Variants in GRM8 observed in about 807,000 individuals in gnomAD.
The protein encoded by GRM8 is metabotropic glutamate receptor 8.
In GRM8, 47 loss-of-function variants were observed where a neutral mutation model predicts 87.2. The observed-to-expected ratio is 0.54, with a 90% CI of 0.43 to 0.69. The LOEUF is 0.69. Among genes scored for constraint, GRM8 ranks in the 30% least tolerant of loss-of-function variants. The probability of loss-of-function intolerance (pLI) is 0.00; values close to 1 mark genes in which losing one functional copy is unlikely to be tolerated. For missense variants in GRM8, 1,019 were observed against 1,139.2 expected, an observed-to-expected ratio of 0.89 and a Z score of 1.52; for synonymous variants, 396 against 404.5, an observed-to-expected ratio of 0.98 and a Z score of 0.25.
chr7:127,029,797 G>C (rs1460467370), intron 3 of GRM8, among the ~76,000 whole-genome samples: 2 of 151,896 alleles, frequency 1.3e-5, no homozygotes, highest in South Asian at 4.2e-4. Flanking sequence ...CAATTTGCCA[G>C]GCTGAGAGAT....
chr7:126,973,788 G>C (rs1810676854), intron 3 of GRM8, among the ~76,000 whole-genome samples: 1 of 152,174 alleles, frequency 6.6e-6, no homozygotes, highest in South Asian at 2.1e-4. Context: ...ATTATTCTCA[G>C]TGAAATAAAT....
At chr7:126,530,442 T>C (rs1010799559) in intron 9 of GRM8, among the ~76,000 whole-genome samples, 1 of 152,232 alleles carries the variant, frequency 6.6e-6, no homozygotes, top group African/African-American at 2.4e-5. Flanking sequence ...GCCTGGCACC[T>C]TGCTGGTGCC....
At chr7:127,181,124 C>G (rs1002757650) in intron 2 of GRM8, among the ~76,000 whole-genome samples, 1 of 152,056 alleles carries the variant, frequency 6.6e-6, no homozygotes, top group Admixed American at 6.6e-5. Context: ...TCTCCTAGAA[C>G]TGATAAAAGA....
At chr7:127,096,621 T>C (rs1824683330) in intron 3 of GRM8, among the ~76,000 whole-genome samples, 1 of 151,992 alleles carries the variant, frequency 6.6e-6, no homozygotes, top group African/African-American at 2.4e-5. Context: ...CACATTGTTA[T>C]GTATGATCTC....
chr7:127,207,554 A>G (rs2116606289), intron 2 of GRM8, among the ~76,000 whole-genome samples: 1 of 152,254 alleles, frequency 6.6e-6, no homozygotes, highest in East Asian at 1.9e-4. Flanking sequence ...TCCCCATCAT[A>G]ATCCTGCTAG....
intron 7 of GRM8, among the ~76,000 whole-genome samples, chr7:126,619,062 G>T (rs1024023367): frequency 6.6e-6 from 1 of 152,134 alleles, no homozygotes; most frequent in African/African-American, 2.4e-5. Flanking sequence ...CTGCTATAAA[G>T]GCACTTGCAC....
At chr7:126,767,946 T>A (rs1362001) in intron 7 of GRM8, among the ~76,000 whole-genome samples, 122,339 of 151,914 alleles carry the variant, frequency 0.81, 49,609 homozygotes, top group Non-Finnish European at 0.83. Context: ...AGCTATATGT[T>A]GCCTTATATC....
chr7:126,694,315 T>G (rs1563098440), intron 7 of GRM8, among the ~76,000 whole-genome samples: 1 of 152,104 alleles, frequency 6.6e-6, no homozygotes, highest in African/African-American at 2.4e-5. Flanking sequence ...TGAAATTAGC[T>G]AACAAAATTT....
chr7:126,621,918 C>T (rs1800219979), intron 7 of GRM8, among the ~76,000 whole-genome samples: 1 of 152,060 alleles, frequency 6.6e-6, no homozygotes, highest in South Asian at 2.1e-4. Flanking sequence ...TGTCACACTG[C>T]TTCGCTCCCA....
At chr7:127,075,780 C>A (rs1012760511) in intron 3 of GRM8, among the ~76,000 whole-genome samples, 16 of 152,116 alleles carry the variant, frequency 1.1e-4, no homozygotes, top group Non-Finnish European at 7.4e-5. Flanking sequence ...CACTAACCAC[C>A]TGGTTGGGCT....
At chr7:126,753,182 A>G (rs1036339767) in intron 7 of GRM8, among the ~76,000 whole-genome samples, 2 of 151,964 alleles carry the variant, frequency 1.3e-5, no homozygotes, top group Admixed American at 1.3e-4. Context: ...ACTATCTGTG[A>G]GTCTTAAATA....
rs151136450 is a variant in GRM8, at chr7:126,700,976, C to T, written c.1357+68889G>A. Among the ~76,000 whole-genome samples the T allele has an allele frequency of 7.2e-5, 11 of 152,116 alleles. No homozygotes were observed. The East Asian group carries it at 1.9e-3, about 27-fold the overall frequency. On this transcript the variant is annotated intron_variant, in intron 7 of 10. Coordinates refer to ENST00000339582, the MANE Select transcript of GRM8 (RefSeq NM_000845.3). ...TGCCTCATTACTTGATCCCTCCTTC[C>T]TTCCCTCCCTCTCCCCTTCTCTTCC...
chr7:126,829,232 G>C (rs1409512736), intron 6 of GRM8, among the ~76,000 whole-genome samples: 1 of 146,972 alleles, frequency 6.8e-6, no homozygotes, highest in Admixed American at 6.8e-5. Flanking sequence ...TTGGTGCAGA[G>C]CTGAGTTCAA....
At position 126,463,340 on chromosome 7, in the gene GRM8, G is replaced by A. The variant is rs138003077; in HGVS notation, c.2431-16968C>T. On this transcript the variant is annotated intron_variant, in intron 9 of 10. Coordinates refer to ENST00000339582, the MANE Select transcript of GRM8 (RefSeq NM_000845.3). ...TTATTTTCCTACAAGTGGTGGATAC[G>A]TATCGTATAACTGGTTAGTCAGCCC... Among the ~76,000 whole-genome samples the A allele has an allele frequency of 4.3e-3, 652 of 151,600 alleles. 5 individuals are homozygous for A. Among genetic ancestry groups the A allele is most frequent in the African/African-American group, 0.015 (625 of 41,396 alleles).
At chr7:127,093,492 A>C (rs1824351545) in intron 3 of GRM8, among the ~76,000 whole-genome samples, 1 of 152,212 alleles carries the variant, frequency 6.6e-6, no homozygotes, top group South Asian at 2.1e-4. Flanking sequence ...CATTCTGAAC[A>C]ACCCTATTTC....
rs183894965 is a variant in GRM8, at chr7:126,945,232, T to C, written c.728-40549A>G. ...TAAATATTAATAAATAAGCAATTAA[T>C]AAATACATGGTGGTATATTCCAATT... On this transcript the variant is annotated intron_variant, in intron 3 of 10. Coordinates refer to ENST00000339582, the MANE Select transcript of GRM8 (RefSeq NM_000845.3). Among the ~76,000 whole-genome samples the C allele has an allele frequency of 2.7e-3, 412 of 152,330 alleles. 1 individual carries two copies. The highest frequency in any genetic ancestry group is 9.6e-3 in the African/African-American group (398 of 41,594).
At chr7:127,160,530 C>CGT (rs1005592070) in intron 2 of GRM8, among the ~76,000 whole-genome samples, 5 of 149,546 alleles carry the variant, frequency 3.3e-5, no homozygotes, top group South Asian at 4.2e-4. Context: ...CTCCATCACG[C>CGT]GCGCGCACAC....
intron 3 of GRM8, among the ~76,000 whole-genome samples, chr7:126,922,190 G>T (rs548764972): frequency 6.6e-6 from 1 of 152,122 alleles, no homozygotes; most frequent in Admixed American, 6.6e-5. Context: ...AAAACAAAAT[G>T]TTTAAGAATA....
intron 6 of GRM8, among the ~76,000 whole-genome samples, chr7:126,805,303 T>A (rs1435909686): frequency 6.6e-6 from 1 of 152,134 alleles, no homozygotes; most frequent in Non-Finnish European, 1.5e-5. Context: ...ACCTTCAGCT[T>A]CCCCATGGCA....
Sources: gnomAD v4.1 joint callset for allele counts (sites outside exome capture counted in the v4.1 genomes callset) on GRCh38, gnomAD v4.1.1 for gene constraint, MANE v1.5 for transcripts, NCBI Gene and HGNC (gene_info 2026-07-23, HGNC 2026-07-21) for gene names.